Variants in TSHZ3 observed in about 807,000 individuals in gnomAD.
TSHZ3 encodes teashirt zinc finger homeobox 3.
Under a neutral mutation model 64.5 loss-of-function variants are expected in TSHZ3, and 10 were observed. The observed-to-expected ratio is 0.16, with a 90% confidence interval of 0.10 to 0.26. The LOEUF is 0.26. Ranked by LOEUF, TSHZ3 falls within the 10% of genes least tolerant of loss-of-function variation. The pLI, the probability that TSHZ3 is intolerant of heterozygous loss-of-function variation, is 1.00. For missense variants in TSHZ3, 1,242 were observed against 1,421.7 expected (o/e 0.87, Z 2.03); for synonymous variants, 608 against 593.1 (o/e 1.03, Z -0.36).
intron 4 of TSHZ3, among the ~76,000 whole-genome samples, chr19:31,223,090 T>C (rs1267583194): frequency 6.6e-6 from 1 of 152,200 alleles, no homozygotes; most frequent in Non-Finnish European, 1.5e-5. Flanking sequence ...TCCATGTCCC[T>C]GTCACACTGA....
intron 1 of TSHZ3, among the ~76,000 whole-genome samples, chr19:31,317,519 C>G (rs1453971013): frequency 2.0e-5 from 3 of 152,188 alleles, no homozygotes; most frequent in Non-Finnish European, 4.4e-5. Flanking sequence ...CACACTGACC[C>G]TACTGGCCAA....
At chr19:31,307,788 T>C (rs1473626208) in intron 1 of TSHZ3, among the ~76,000 whole-genome samples, 1 of 152,220 alleles carries the variant, frequency 6.6e-6, no homozygotes, top group Non-Finnish European at 1.5e-5. Context: ...ACTGGCAGGC[T>C]CTGGCAGCCT....
Position 31,306,158 on chromosome 19 carries a change from G to A in TSHZ3, c.41-26406C>T, listed in dbSNP as rs571175282. 4.6e-5 allele frequency among the ~76,000 whole-genome samples: 7 copies of A among 152,298 alleles called. No individual in the cohort carries two copies. In the South Asian group the frequency reaches 1.4e-3, roughly 32 times the overall value. On this transcript the variant is annotated intron_variant, in intron 1 of 1. Coordinates refer to ENST00000240587, the MANE Select transcript of TSHZ3 (RefSeq NM_020856.4). ...AGACGACGGCACACCCACCGTGTGC[G>A]CTCATTCCCGGGGTGGCCTTGCATA... is the stretch of plus-strand genomic sequence containing the variant.
intron 5 of TSHZ3, among the ~76,000 whole-genome samples, chr19:31,189,799 G>T (rs1376843366): frequency 6.6e-6 from 1 of 152,224 alleles, no homozygotes; most frequent in Non-Finnish European, 1.5e-5. Flanking sequence ...TACTGAGGAA[G>T]AAGTATTGGA....
At position 31,279,636 on chromosome 19, in the gene TSHZ3, C is replaced by A. The variant is rs768899742; in HGVS notation, c.157G>T (p.Ala53Ser). ...TTCTGGTAGCTGGGGCAGGCCCTGG[C>A]GAGCTCCTTCTCCGGGCACATGTAC... is the stretch of plus-strand genomic sequence containing the variant. ...AKYMCPEKELARACPSYQNSP... is the reference protein window; with the variant it reads ...AKYMCPEKELSRACPSYQNSP... Residue 53 changes from alanine (A) to serine (S), a missense_variant, in exon 2 of 2, where the codon GCC (alanine) becomes TCC (serine). Transcript: ENST00000240587. The surrounding 1 kb of genome is among the most constrained non-coding windows in gnomAD (Gnocchi z 6.4). 3.1e-6 allele frequency: 5 copies of A among 1,610,824 alleles called. No individual in the cohort carries two copies. The highest frequency in any genetic ancestry group is 1.1e-5 in the South Asian group (1 of 90,538).
At chr19:31,270,551 G>A (rs995794059), downstream of TSHZ3, among the ~76,000 whole-genome samples, 2 of 152,184 alleles carry the variant, frequency 1.3e-5, no homozygotes, top group African/African-American at 4.8e-5. Context: ...CTGGCCTCAA[G>A]TGATTCTCCC....
At chr19:31,177,715 T>TC (rs1327515488) in intron 5 of TSHZ3, among the ~76,000 whole-genome samples, 1 of 152,206 alleles carries the variant, frequency 6.6e-6, no homozygotes, top group Non-Finnish European at 1.5e-5. Flanking sequence ...TGGGGGTTGC[T>TC]TTTTTTCCCC....
chr19:31,167,573 A>G (rs1974472388), intron 5 of TSHZ3: 1 of 152,232 alleles, frequency 6.6e-6, no homozygotes, highest in Non-Finnish European at 1.5e-5. Context: ...CCAAAGAAAG[A>G]GCAACAGGAA....
At chr19:31,209,951 G>A (rs886123292) in intron 4 of TSHZ3, among the ~76,000 whole-genome samples, 1 of 152,130 alleles carries the variant, frequency 6.6e-6, no homozygotes, top group Admixed American at 6.5e-5. Flanking sequence ...AGAAGGTCAG[G>A]TCAGTGAGCC....
chr19:31,163,030 C>T (rs963925419), intron 5 of TSHZ3, among the ~76,000 whole-genome samples: 3 of 152,172 alleles, frequency 2.0e-5, no homozygotes, highest in African/African-American at 7.2e-5. Flanking sequence ...TTCCTAGGAG[C>T]TGCAATTGAC....
At chr19:31,330,381 G>A (rs59761442) in intron 1 of TSHZ3, among the ~76,000 whole-genome samples, 315 of 152,286 alleles carry the variant, frequency 2.1e-3, no homozygotes, top group African/African-American at 6.9e-3. Flanking sequence ...CACAGGCCTC[G>A]GGAGGTGGCC....
At chr19:31,274,009 G>A (rs545121018), downstream of TSHZ3, among the ~76,000 whole-genome samples, 9 of 152,166 alleles carry the variant, frequency 5.9e-5, no homozygotes, top group Non-Finnish European at 1.3e-4. Context: ...ATGGAATGCC[G>A]AGAGAAAACA....
At chr19:31,318,863 G>A (rs762867386) in intron 1 of TSHZ3, among the ~76,000 whole-genome samples, 119 of 152,140 alleles carry the variant, frequency 7.8e-4, no homozygotes, top group Non-Finnish European at 1.4e-3. Context: ...AGGAACAAAC[G>A]ATCCGGTCAC....
intron 1 of TSHZ3, among the ~76,000 whole-genome samples, chr19:31,261,693 C>T (rs968540992): frequency 2.0e-5 from 3 of 152,172 alleles, no homozygotes; most frequent in Admixed American, 6.5e-5. Flanking sequence ...GCCACATATA[C>T]GTTACAAGTG....
intron 1 of TSHZ3, among the ~76,000 whole-genome samples, chr19:31,253,531 T>G (rs1390020448): frequency 6.6e-6 from 1 of 152,188 alleles, no homozygotes; most frequent in Non-Finnish European, 1.5e-5. Context: ...TTATTAATTT[T>G]TTTTAATCTT....
chr19:31,329,269 G>A (rs958009742), intron 1 of TSHZ3, among the ~76,000 whole-genome samples: 14 of 152,188 alleles, frequency 9.2e-5, no homozygotes, highest in Non-Finnish European at 1.8e-4. Flanking sequence ...CCCAAGCTCC[G>A]AGCAAGAAAT....
At chr19:31,186,297 A>T (rs777286753) in intron 5 of TSHZ3, among the ~76,000 whole-genome samples, 2 of 152,192 alleles carry the variant, frequency 1.3e-5, no homozygotes, top group Non-Finnish European at 2.9e-5. Flanking sequence ...TGTAGTTCCC[A>T]TAATCCCCAT....
chr19:31,276,523 A>G lies in TSHZ3; in HGVS notation c.*24T>C. ...CACAGTTTCCCTCAAAGCAAACTGCAGTCCTTTCTATCAAAAGCAAATGCT... is the reference window on the plus strand; with the variant it reads ...CACAGTTTCCCTCAAAGCAAACTGCGGTCCTTTCTATCAAAAGCAAATGCT... On this transcript the variant is annotated 3_prime_UTR_variant, in exon 2 of 2. Transcript: ENST00000240587. 3 of 1,525,610 alleles carry G rather than the reference A, an allele frequency of 2.0e-6. No homozygotes were observed. The South Asian group carries it at 3.9e-5, about 20-fold the overall frequency. 94.5% of individuals were successfully genotyped at this position (1,525,610 alleles called of 1,614,324 possible).
chr19:31,277,608 T>C lies in TSHZ3; in HGVS notation c.2185A>G (p.Met729Val), dbSNP rs1256997081. ...VNPLSALQSV[M>V]NIHLGKAAKP... ...GCGGCCTTGCCCAGGTGAATGTTCA[T>C]GACTGACTGCAGGGCGCTCAAAGGG... The change falls in exon 2 of 2, where the codon ATG becomes GTG. Residue 729 changes from methionine (M) to valine (V), a missense_variant. Physicochemically the swap from Met to Val is conservative, Grantham distance 21. Coordinates refer to ENST00000240587, the MANE Select transcript of TSHZ3 (RefSeq NM_020856.4). The surrounding 1 kb of genome is among the most constrained non-coding windows in gnomAD (Gnocchi z 4.5). 3 of 1,587,168 alleles carry C rather than the reference T, an allele frequency of 1.9e-6. No individual in the cohort carries two copies. Among genetic ancestry groups the C allele is most frequent in the Non-Finnish European group, 2.6e-6 (3 of 1,166,676 alleles).
Sources: allele counts gnomAD v4.1 joint callset (sites outside exome capture counted in the v4.1 genomes callset), GRCh38; gene constraint gnomAD v4.1.1; non-coding constraint Gnocchi (gnomAD v3.1); transcripts MANE v1.5; gene names NCBI Gene and HGNC (gene_info 2026-07-23, HGNC 2026-07-21).